LOXHD1: variants seen among roughly 807,000 people sequenced by gnomAD.
LOXHD1 encodes the protein lipoxygenase homology PLAT domains 1.
In LOXHD1, 205 loss-of-function variants were observed where a neutral mutation model predicts 248.2. That is an observed-to-expected ratio of 0.83 (90% CI 0.74 to 0.93). The LOEUF is 0.93. Among genes scored for constraint, LOXHD1 ranks in the 40% least tolerant of loss-of-function variants. LOXHD1 has a pLI of 0.00. For synonymous variants in LOXHD1, 1,113 were observed against 1,162.8 expected, an observed-to-expected ratio of 0.96 and a Z score of 0.87; for missense variants, 2,930 against 2,971.6, an observed-to-expected ratio of 0.99 and a Z score of 0.33.
intron 4 of LOXHD1, among the ~76,000 whole-genome samples, chr18:46,625,899 A>G (rs979150448): frequency 4.6e-5 from 7 of 152,040 alleles, no homozygotes; most frequent in East Asian, 1.9e-4. Context: ...CCTTGGCTCC[A>G]TTACTTCCCT....
chr18:46,611,446 A>T (rs1174060131), intron 5 of LOXHD1, among the ~76,000 whole-genome samples: 1 of 152,206 alleles, frequency 6.6e-6, no homozygotes, highest in African/African-American at 2.4e-5. Flanking sequence ...TCCGTCTTGC[A>T]AATGAAGAAA....
At chr18:46,533,959 G>A (rs572490082) in intron 27 of LOXHD1, among the ~76,000 whole-genome samples, 1 of 152,254 alleles carries the variant, frequency 6.6e-6, no homozygotes, top group South Asian at 2.1e-4. Flanking sequence ...CCATAGCTAT[G>A]GCTGAGATCT....
chr18:46,519,897 G>C (rs2035482012), intron 33 of LOXHD1, among the ~76,000 whole-genome samples: 1 of 152,218 alleles, frequency 6.6e-6, no homozygotes, highest in African/African-American at 2.4e-5. Context: ...TCTTTGTAAA[G>C]TGACAAACCT....
chr18:46,524,624 C>A, intron 30 of LOXHD1, 23 bp from the exon 31 acceptor site: 1 of 1,551,562 alleles, frequency 6.4e-7, no homozygotes, highest in Non-Finnish European at 8.7e-7. Flanking sequence ...GCAGGACTGG[C>A]AGTTGCAGCT....
chr18:46,539,643 T>C (rs2036471382), intron 25 of LOXHD1, among the ~76,000 whole-genome samples: 1 of 152,216 alleles, frequency 6.6e-6, no homozygotes, highest in African/African-American at 2.4e-5. Flanking sequence ...TTGTCAACAG[T>C]ATTTTTTAAA....
At chr18:46,524,324 A>G in intron 31 of LOXHD1, 142 bp downstream of exon 31, 1 of 1,240,332 alleles carries the variant, frequency 8.1e-7, no homozygotes, top group African/African-American at 1.5e-5. Context: ...AAAACAGGTA[A>G]TATGTGTGAA....
At chr18:46,620,526 C>T (rs1205902852) in intron 4 of LOXHD1, among the ~76,000 whole-genome samples, 1 of 152,122 alleles carries the variant, frequency 6.6e-6, no homozygotes, top group Non-Finnish European at 1.5e-5. Context: ...TTCTAATTAG[C>T]GAGTTGAGTT....
intron 14 of LOXHD1, among the ~76,000 whole-genome samples, chr18:46,577,433 T>C (rs1036827349): frequency 2.0e-5 from 3 of 152,218 alleles, no homozygotes; most frequent in African/African-American, 7.2e-5. Context: ...CCAAATTTTA[T>C]CATGAACAAG....
intron 21 of LOXHD1, among the ~76,000 whole-genome samples, chr18:46,553,430 C>T (rs1161040640): frequency 6.6e-6 from 1 of 152,230 alleles, no homozygotes; most frequent in African/African-American, 2.4e-5. Context: ...AATCATCAGC[C>T]TCCTAGACCA....
chr18:46,525,596 C>T (rs956435826), intron 29 of LOXHD1, among the ~76,000 whole-genome samples: 2 of 152,114 alleles, frequency 1.3e-5, no homozygotes, highest in African/African-American at 4.8e-5. Flanking sequence ...GGACATTCCA[C>T]TCTTGTGTGC....
intron 12 of LOXHD1, 21 bp downstream of exon 12, chr18:46,591,912 G>T: frequency 6.4e-7 from 1 of 1,551,410 alleles, no homozygotes; most frequent in South Asian, 1.2e-5. Context: ...CTCCCAGGAT[G>T]GAGAGCCTGT....
chr18:46,533,327 G>A lies in LOXHD1; in HGVS notation c.4213-3C>T, dbSNP rs1008624901. The stretch of plus-strand genomic sequence containing the variant: ...GGGAAAGTCAAGGTCTCTGCACCCT[G>A]GGGTGAGGCAGAAAAAGGAAAATTA... On this transcript the variant is annotated splice_polypyrimidine_tract_variant and splice_region_variant and intron_variant, in intron 27 of 40. Transcript: ENST00000642948. 1.3e-6 allele frequency: 2 copies of A among 1,551,364 alleles called. No individual in the cohort carries two copies. Among genetic ancestry groups the A allele is most frequent in the African/African-American group, 2.7e-5 (2 of 73,120 alleles).
In LOXHD1 at chr18:46,546,859, G is replaced by A; in HGVS notation, c.3514+36C>T. ...GGTTAGGGAGAGGCAGAGGGGAGGG[G>A]TGCTGGAGAAAGAAATCAGCTCTAG... On this transcript the variant is annotated intron_variant, in intron 22 of 40. Transcript: ENST00000642948. The A allele has an allele frequency of 2.0e-6, 3 of 1,535,474 alleles. No individual in the cohort carries two copies. The South Asian group carries it at 3.6e-5, about 19-fold the overall frequency.
chr18:46,648,946 G>A (rs190714721), intron 2 of LOXHD1, among the ~76,000 whole-genome samples: 34 of 152,320 alleles, frequency 2.2e-4, no homozygotes, highest in African/African-American at 3.6e-4. Flanking sequence ...AGGCATTACC[G>A]TCCAAAAGAA....
At chr18:46,494,322 A>G (rs2033690151) in intron 37 of LOXHD1, among the ~76,000 whole-genome samples, 1 of 152,208 alleles carries the variant, frequency 6.6e-6, no homozygotes. Flanking sequence ...AATGATTTTT[A>G]CTTTCTAAAG....
At chr18:46,614,321 A>G (rs2038552155) in intron 5 of LOXHD1, among the ~76,000 whole-genome samples, 1 of 152,280 alleles carries the variant, frequency 6.6e-6, no homozygotes, top group African/African-American at 2.4e-5. Context: ...AAACAACCCA[A>G]ATGTTCATCA....
chr18:46,489,707 G>C (rs541991220), intron 37 of LOXHD1, among the ~76,000 whole-genome samples: 2 of 152,242 alleles, frequency 1.3e-5, no homozygotes, highest in Admixed American at 6.5e-5. Flanking sequence ...TGCATCTGCC[G>C]TGGCCACACA....
At chr18:46,607,004 A>G (rs547526346) in intron 6 of LOXHD1, among the ~76,000 whole-genome samples, 1 of 152,056 alleles carries the variant, frequency 6.6e-6, no homozygotes, top group South Asian at 2.1e-4. Context: ...TGCCTCTACT[A>G]AAACTACAAA....
At chr18:46,624,150 G>A (rs1391213010) in intron 4 of LOXHD1, among the ~76,000 whole-genome samples, 3 of 152,228 alleles carry the variant, frequency 2.0e-5, no homozygotes, top group African/African-American at 7.2e-5. Flanking sequence ...TGAGGAGGGG[G>A]TTGGAAGGAG....
Sources: allele counts gnomAD v4.1 joint callset (sites outside exome capture counted in the v4.1 genomes callset), GRCh38; gene constraint gnomAD v4.1.1; transcripts MANE v1.5; gene names NCBI Gene and HGNC (gene_info 2026-07-23, HGNC 2026-07-21).